CDK6: variants seen among roughly 807,000 people sequenced by gnomAD.
CDK6 encodes the protein cyclin dependent kinase 6.
Under a neutral mutation model 37.1 loss-of-function variants are expected in CDK6, and 6 were observed. The ratio of observed to expected loss-of-function variants is 0.16; its 90% CI spans 0.09 to 0.32. CDK6 has a LOEUF of 0.32. CDK6 is among the 10% of genes least tolerant of loss of function. CDK6 has a pLI of 1.00. For missense variants in CDK6, 224 were observed against 418.9 expected, an observed-to-expected ratio of 0.53 and a Z score of 4.06; for synonymous variants, 160 against 161.3, an observed-to-expected ratio of 0.99 and a Z score of 0.06.
chr7:92,650,535 A>G (rs1415736621), intron 5 of CDK6, among the ~76,000 whole-genome samples: 4 of 152,154 alleles, frequency 2.6e-5, no homozygotes, highest in African/African-American at 4.8e-5. Flanking sequence ...GTATCATCTC[A>G]CAGCTCTGTA....
chr7:92,608,477 C>T lies in CDK6; in HGVS notation c.*6663G>A, dbSNP rs1795482318. 4.3e-6 allele frequency: 1 copy of T among 230,398 alleles called. No individual in the cohort carries two copies. The highest frequency in any genetic ancestry group is 8.6e-6 in the Non-Finnish European group (1 of 116,516). The allele number at this position is 230,398 out of a possible 1,614,324, so 14.3% of individuals were successfully genotyped here. ...AAACTTTTCCAGGCATATCTTTCACCATCACATATATAGAATGATGGAAAA... is the reference window on the plus strand; with the variant it reads ...AAACTTTTCCAGGCATATCTTTCACTATCACATATATAGAATGATGGAAAA... On this transcript the variant is annotated 3_prime_UTR_variant, in exon 8 of 8. Coordinates refer to ENST00000424848, the MANE Select transcript of CDK6 (RefSeq NM_001145306.2).
chr7:92,693,780 T>C (rs1797648303), intron 4 of CDK6, among the ~76,000 whole-genome samples: 1 of 152,226 alleles, frequency 6.6e-6, no homozygotes, highest in Non-Finnish European at 1.5e-5. Context: ...TTCACTGTTG[T>C]CATGTGAAGT....
intron 5 of CDK6, among the ~76,000 whole-genome samples, chr7:92,659,827 C>G (rs965278584): frequency 3.3e-5 from 5 of 152,072 alleles, no homozygotes; most frequent in African/African-American, 1.2e-4. Context: ...CAAAGAATAT[C>G]AGAGTTGGAG....
chr7:92,794,905 T>C (rs1800370783), intron 2 of CDK6, among the ~76,000 whole-genome samples: 1 of 152,128 alleles, frequency 6.6e-6, no homozygotes, highest in South Asian at 2.1e-4. Context: ...AGATGTTGAT[T>C]CTTTGGCCCA....
intron 3 of CDK6, among the ~76,000 whole-genome samples, chr7:92,726,602 G>A (rs1348973925): frequency 2.6e-5 from 4 of 152,012 alleles, no homozygotes; most frequent in Admixed American, 6.6e-5. Flanking sequence ...GCAGAGATGC[G>A]ATCTCACTAT....
intron 5 of CDK6, among the ~76,000 whole-genome samples, chr7:92,626,409 G>A (rs141307479): frequency 2.1e-4 from 32 of 152,078 alleles, no homozygotes; most frequent in South Asian, 6.2e-4. Flanking sequence ...GACAGAAGTC[G>A]CGGTAATCGT....
chr7:92,756,675 A>C (rs1440785740), intron 3 of CDK6, among the ~76,000 whole-genome samples: 4 of 152,218 alleles, frequency 2.6e-5, no homozygotes, highest in Admixed American at 2.0e-4. Context: ...TTCTACTTCC[A>C]GGGGAACTCT....
intron 2 of CDK6, among the ~76,000 whole-genome samples, chr7:92,825,968 C>CT (rs1307436806): frequency 1.3e-5 from 2 of 152,036 alleles, no homozygotes; most frequent in Non-Finnish European, 2.9e-5. Flanking sequence ...ATGAAACTTC[C>CT]TTTTTTCAGT....
intron 6 of CDK6, among the ~76,000 whole-genome samples, chr7:92,621,370 T>C (rs993055381): frequency 3.3e-5 from 5 of 152,206 alleles, no homozygotes; most frequent in African/African-American, 1.2e-4. Flanking sequence ...TGGCTTTTCT[T>C]TGGAAGCAGG....
Position 92,725,083 on chromosome 7 carries a change from A to C in CDK6, c.537+543T>G, listed in dbSNP as rs1798479002. ...CAGGGCCGTTGGGTTCGCTCTTTCT[A>C]TTCAGGGTTATATGAGCCTTCACCT... On this transcript the variant is annotated intron_variant, in intron 4 of 7. Coordinates refer to ENST00000424848, the MANE Select transcript of CDK6 (RefSeq NM_001145306.2). 3.0e-6 allele frequency: 3 copies of C among 985,258 alleles called. No individual in the cohort carries two copies. The African/African-American group carries it at 5.2e-5, about 17-fold the overall frequency. The allele number at this position is 985,258 out of a possible 1,614,324, so 61.0% of individuals were successfully genotyped here.
chr7:92,765,026 ATATAG>A (rs1452104350), intron 3 of CDK6, among the ~76,000 whole-genome samples: 1 of 152,214 alleles, frequency 6.6e-6, no homozygotes, highest in Non-Finnish European at 1.5e-5. Context: ...AAATGAATAA[ATATAG>A]TATAGTACTT....
chr7:92,645,971 T>G (rs1796438136), intron 5 of CDK6, among the ~76,000 whole-genome samples: 1 of 152,134 alleles, frequency 6.6e-6, no homozygotes, highest in African/African-American at 2.4e-5. Context: ...AATCCAACGG[T>G]GATTGTGCAT....
intron 2 of CDK6, among the ~76,000 whole-genome samples, chr7:92,824,209 T>C (rs935903728): frequency 6.6e-6 from 1 of 150,402 alleles, no homozygotes; most frequent in Non-Finnish European, 1.5e-5. Context: ...TTGCTGTGAA[T>C]AGAACTCTTA....
rs1562909872 is a variant in CDK6, at chr7:92,614,010, G to C, written c.*1130C>G. 1 of 233,088 alleles carries C rather than the reference G, an allele frequency of 4.3e-6. No individual in the cohort carries two copies. The highest frequency in any genetic ancestry group is 1.8e-4 in the South Asian group (1 of 5,530). 14.4% of individuals were successfully genotyped at this position (233,088 alleles called of 1,614,324 possible). ...AATGGTAGCAATATATTTCAGAAGT[G>C]CCGGGAGATAGACAAGATGGATACT... On this transcript the variant is annotated 3_prime_UTR_variant, in exon 8 of 8. Coordinates refer to ENST00000424848, the MANE Select transcript of CDK6 (RefSeq NM_001145306.2).
At chr7:92,705,279 T>C (rs1313520679) in intron 4 of CDK6, among the ~76,000 whole-genome samples, 2 of 152,226 alleles carry the variant, frequency 1.3e-5, no homozygotes, top group African/African-American at 4.8e-5. Context: ...GAATTCCATA[T>C]ATACACAAAA....
intron 4 of CDK6, among the ~76,000 whole-genome samples, chr7:92,710,025 T>C (rs1380322146): frequency 1.3e-5 from 2 of 152,238 alleles, no homozygotes; most frequent in African/African-American, 4.8e-5. Context: ...AGTGCGCCTC[T>C]GAAAGAAACC....
At chr7:92,826,926 G>C (rs551335951) in intron 2 of CDK6, among the ~76,000 whole-genome samples, 4 of 152,178 alleles carry the variant, frequency 2.6e-5, no homozygotes, top group African/African-American at 4.8e-5. Context: ...ACACAATCCT[G>C]GTTCTCAAGT....
chr7:92,778,556 C>T (rs1799905036), intron 2 of CDK6, among the ~76,000 whole-genome samples: 1 of 152,116 alleles, frequency 6.6e-6, no homozygotes, highest in Admixed American at 6.5e-5. Flanking sequence ...AAGATAACTA[C>T]AACTATTCAC....
Position 92,779,553 on chromosome 7 carries a change from G to C in CDK6, c.234-4722C>G, listed in dbSNP as rs1799935224. The stretch of plus-strand genomic sequence containing the variant: ...TATTATTAACTTCATTCAGGAAATG[G>C]AGCATATTAGAGACTTCTCAGACAT... On this transcript the variant is annotated intron_variant, in intron 2 of 7. Coordinates refer to ENST00000424848, the MANE Select transcript of CDK6 (RefSeq NM_001145306.2). Among the ~76,000 whole-genome samples, 4 of 152,258 alleles carry C rather than the reference G, an allele frequency of 2.6e-5. No homozygotes were observed. The South Asian group carries it at 8.3e-4, about 32-fold the overall frequency.
Sources: allele counts gnomAD v4.1 joint callset (sites outside exome capture counted in the v4.1 genomes callset), GRCh38; gene constraint gnomAD v4.1.1; transcripts MANE v1.5; gene names NCBI Gene and HGNC (gene_info 2026-07-23, HGNC 2026-07-21).